The following KMT2E variants were observed in gnomAD, a reference collection of about 807,000 sequenced individuals.
KMT2E encodes the protein histone reader KMT2E.
A neutral mutation model predicts 184.6 loss-of-function variants in KMT2E; 30 were observed. The ratio of observed to expected loss-of-function variants is 0.16; its 90% CI spans 0.12 to 0.22. The LOEUF is 0.22. KMT2E is among the 10% of genes least tolerant of loss of function. KMT2E has a pLI of 1.00. For missense variants in KMT2E, 2,023 were observed against 2,237.4 expected, an observed-to-expected ratio of 0.90 and a Z score of 1.93; for synonymous variants, 815 against 776.5, an observed-to-expected ratio of 1.05 and a Z score of -0.82.
intron 3 of KMT2E, among the ~76,000 whole-genome samples, chr7:105,054,868 G>A (rs1796512413): frequency 6.6e-6 from 1 of 152,120 alleles, no homozygotes; most frequent in East Asian, 1.9e-4. Context: ...TACCACTTTG[G>A]ACTCTGGATG....
intron 3 of KMT2E, among the ~76,000 whole-genome samples, chr7:105,061,076 A>G (rs1796796102): frequency 6.6e-6 from 1 of 152,200 alleles, no homozygotes; most frequent in South Asian, 2.1e-4. Flanking sequence ...CTCAGTTTGT[A>G]TCTCCTCTTT....
chr7:105,101,989 A>G lies in KMT2E; in HGVS notation c.1991A>G (p.Gln664Arg). ...FSRSRTHIGQ[Q>R]RRRHRTVSMC... is the part of the protein sequence containing the mutation. ...CGGAGTAGGACTCACATTGGACAGCAGCGTCGGAGACACAGAACTGTCAGC... is the reference window on the plus strand; with the variant it reads ...CGGAGTAGGACTCACATTGGACAGCGGCGTCGGAGACACAGAACTGTCAGC... The change falls in exon 17 of 27, where the codon CAG (glutamine) becomes CGG (arginine). Residue 664 changes from glutamine (Q) to arginine (R), a missense_variant. Physicochemically the swap from Gln to Arg is conservative, Grantham distance 43. Transcript: ENST00000311117. 1 of 1,614,030 alleles carries G rather than the reference A, an allele frequency of 6.2e-7. No individual in the cohort carries two copies. The highest frequency in any genetic ancestry group is 8.5e-7 in the Non-Finnish European group (1 of 1,179,918).
intron 3 of KMT2E, among the ~76,000 whole-genome samples, chr7:105,042,030 C>T (rs905007852): frequency 3.9e-5 from 6 of 152,186 alleles, no homozygotes; most frequent in African/African-American, 1.4e-4. Context: ...CAGAGTCTCA[C>T]TCTGTCATCC....
At position 105,059,978 on chromosome 7, in the gene KMT2E, G is replaced by GTTTTTTTTTTTTTTTTTTTTTT. The variant is rs67291226; in HGVS notation, c.72-2174_72-2153dup. ...GCTGAATATTGATTTTCTTGTTGTTGTTTTTTTTTTTTTTTTTTTTTTTTT... is the reference window on the plus strand; with the variant it reads ...GCTGAATATTGATTTTCTTGTTGTTGTTTTTTTTTTTTTTTTTTTTTTTTTTTTTTTTTTTTTTTTTTTTTTT... On this transcript the variant is annotated intron_variant, in intron 3 of 26. Transcript: ENST00000311117. Among the ~76,000 whole-genome samples the GTTTTTTTTTTTTTTTTTTTTTT allele has an allele frequency of 1.2e-4, 6 of 51,796 alleles. 1 individual carries two copies. Among genetic ancestry groups the GTTTTTTTTTTTTTTTTTTTTTT allele is most frequent in the African/African-American group, 1.7e-4 (3 of 17,190 alleles). 34.0% of individuals were successfully genotyped at this position (51,796 alleles called of 152,430 possible).
chr7:105,056,600 C>T (rs1415159087), intron 3 of KMT2E, among the ~76,000 whole-genome samples: 1 of 152,148 alleles, frequency 6.6e-6, no homozygotes, highest in Non-Finnish European at 1.5e-5. Context: ...TCTGTCTCCT[C>T]TAGCAAAATT....
At chr7:105,108,404 C>T in intron 22 of KMT2E, 1 of 308,150 alleles carries the variant, frequency 3.2e-6, no homozygotes, top group Non-Finnish European at 6.5e-6. Flanking sequence ...CCCTGATTTC[C>T]CATTATTTGG....
In KMT2E at chr7:105,106,824, T is replaced by A. The variant is rs768063746; in HGVS notation, c.2847+52T>A. 49 of 1,565,924 alleles carry A rather than the reference T, an allele frequency of 3.1e-5. No homozygotes were observed. In the East Asian group the frequency reaches 1.1e-3, roughly 34 times the overall value. ...AATTCAACACTTGGGGGGATGGAATTTCTTTTAAGAGCTCTTTCCCCTCCT... is the reference window on the plus strand; with the variant it reads ...AATTCAACACTTGGGGGGATGGAATATCTTTTAAGAGCTCTTTCCCCTCCT... On this transcript the variant is annotated intron_variant, in intron 20 of 26. Coordinates refer to ENST00000311117, the MANE Select transcript of KMT2E (RefSeq NM_182931.3).
At chr7:105,026,890 C>T (rs985037295) in intron 1 of KMT2E, among the ~76,000 whole-genome samples, 3 of 152,070 alleles carry the variant, frequency 2.0e-5, no homozygotes, top group Non-Finnish European at 2.9e-5. Flanking sequence ...AAAATTGGTA[C>T]CTCTTACCTC....
At chr7:105,074,379 C>G (rs1456904179) in intron 7 of KMT2E, among the ~76,000 whole-genome samples, 2 of 152,056 alleles carry the variant, frequency 1.3e-5, no homozygotes, top group East Asian at 3.8e-4. Context: ...TTCAAATTTC[C>G]ACTCGTAGTG....
intron 20 of KMT2E, 78 bp from the exon 21 acceptor site, chr7:105,107,088 T>A: frequency 7.2e-6 from 6 of 832,778 alleles, no homozygotes; most frequent in East Asian, 2.8e-5. Flanking sequence ...TTTTTCATTT[T>A]GTTTTCATTT....
rs368989105 is a variant in KMT2E, at chr7:105,090,004, T to C, written c.1359-5T>C. The C allele has an allele frequency of 1.9e-6, 3 of 1,594,320 alleles. No individual in the cohort carries two copies. Among genetic ancestry groups the C allele is most frequent in the African/African-American group, 2.7e-5 (2 of 73,978 alleles). On this transcript the variant is annotated splice_polypyrimidine_tract_variant and splice_region_variant and intron_variant, in intron 13 of 26. Transcript: ENST00000311117. ...AAATAAATATTTAACTGGTTATCTT[T>C]CCAGTAAGTACAAGGTGGACTGTGC...
intron 1 of KMT2E, among the ~76,000 whole-genome samples, chr7:105,024,227 T>C (rs2129564178): frequency 6.6e-6 from 1 of 152,336 alleles, no homozygotes; most frequent in African/African-American, 2.4e-5. Context: ...TGAAATACAG[T>C]GGATACTTAG....
chr7:105,036,040 A>G (rs1795640100), intron 1 of KMT2E, among the ~76,000 whole-genome samples: 1 of 152,166 alleles, frequency 6.6e-6, no homozygotes, highest in South Asian at 2.1e-4. Flanking sequence ...TTCTGGAGTG[A>G]GATACTTAAG....
chr7:105,071,372 T>G (rs1466503593), intron 6 of KMT2E, among the ~76,000 whole-genome samples: 1 of 151,006 alleles, frequency 6.6e-6, no homozygotes, highest in East Asian at 1.9e-4. Context: ...TTGTTTTTTG[T>G]TTTTGTTTTT....
chr7:105,112,790 C>CCCCCCCCCCCCCCCCCCCCCT lies in KMT2E; in HGVS notation c.5036_5037insCCCCCCCCCCCCCCCCCCTCC (p.Pro1678_Pro1684dup). ...CTCAAACTGCTGGACACCACTTACC[C>CCCCCCCCCCCCCCCCCCCCCT]CCACCCCCACCCCCTCCTGGTCCTG... On this transcript the variant is annotated inframe_insertion, in exon 27 of 27. Transcript: ENST00000311117. 1.3e-6 allele frequency: 2 copies of CCCCCCCCCCCCCCCCCCCCCT among 1,573,218 alleles called. No homozygotes were observed. The highest frequency in any genetic ancestry group is 1.7e-6 in the Non-Finnish European group (2 of 1,154,310).
rs567092297 is a variant in KMT2E at position 105,032,347 on chromosome 7, G to C, written c.-188-5779G>C. On this transcript the variant is annotated intron_variant, in intron 1 of 26. Coordinates refer to ENST00000311117, the MANE Select transcript of KMT2E (RefSeq NM_182931.3). Reference sequence around the variant, plus strand: ...TATTCCCAGCTTCTTGGGAAGCTGAGGCAGGAATATCGCTTGAACCTGGGA... The same window carrying C: ...TATTCCCAGCTTCTTGGGAAGCTGACGCAGGAATATCGCTTGAACCTGGGA... Among the ~76,000 whole-genome samples, 13 of 152,248 alleles carry C rather than the reference G, an allele frequency of 8.5e-5. No homozygotes were observed. In the South Asian group the frequency reaches 1.9e-3, roughly 22 times the overall value.
chr7:105,063,948 C>A (rs1213930656), intron 5 of KMT2E: 1 of 445,916 alleles, frequency 2.2e-6, no homozygotes, highest in Non-Finnish European at 4.4e-6. Context: ...CTGTGATTTT[C>A]CAGTTTGCGG....
chr7:105,079,210 A>G lies in KMT2E; in HGVS notation c.1248+247A>G, dbSNP rs188638855. Among the ~76,000 whole-genome samples the G allele has an allele frequency of 2.9e-4, 43 of 149,192 alleles. No individual in the cohort carries two copies. The East Asian group carries it at 7.9e-3, about 28-fold the overall frequency. ...GAATACAATGGCACGATCTCAGCTC[A>G]TGTAACCTCCGTCTTCCGGGCTCAA... On this transcript the variant is annotated intron_variant, in intron 12 of 26. Transcript: ENST00000311117.
chr7:105,112,763 T>A lies in KMT2E; in HGVS notation c.5007T>A (p.His1669Gln), dbSNP rs182321895. The change falls in exon 27 of 27, where the codon CAT (histidine) becomes CAA (glutamine). Residue 1669 changes from histidine (H) to glutamine (Q), a missense_variant. By Grantham distance (24) the His-to-Gln change is conservative. This residue lies in a region of KMT2E where 1,108 missense variants were observed against 1,050.9 expected (regional missense o/e 1.05). Transcript: ENST00000311117. ...CGGTCACCCCTGGGTCGCATATTCA[T>A]TCTCAAACTGCTGGACACCACTTAC... The part of the protein sequence containing the change: ...VHAVTPGSHI[H>Q]SQTAGHHLPP... 21 of 1,613,136 alleles carry A rather than the reference T, an allele frequency of 1.3e-5. No individual in the cohort carries two copies. The East Asian group carries it at 4.7e-4, about 36-fold the overall frequency.
Sources: allele counts gnomAD v4.1 joint callset (sites outside exome capture counted in the v4.1 genomes callset), GRCh38; gene constraint gnomAD v4.1.1; regional missense constraint gnomAD v4.1.1; transcripts MANE v1.5; gene names NCBI Gene and HGNC (gene_info 2026-07-23, HGNC 2026-07-21).